Variants in PAGE2B observed in about 807,000 individuals in gnomAD.
The protein encoded by PAGE2B is PAGE family member 2B, also known as putative G antigen family E member 3.
Under a neutral mutation model 7.6 loss-of-function variants are expected in PAGE2B, and 5 were observed. The ratio of observed to expected loss-of-function variants is 0.66; its 90% CI spans 0.34 to 1.38. PAGE2B has a LOEUF of 1.38. PAGE2B is among the 40% of genes most tolerant of loss of function. The pLI, the probability that PAGE2B is intolerant of heterozygous loss-of-function variation, is 0.04. For synonymous variants in PAGE2B, 29 were observed against 26.7 expected (o/e 1.09, Z -0.27); for missense variants, 70 against 78.4 (o/e 0.89, Z 0.41).
the PAGE2B span, among the ~76,000 whole-genome samples, chrX:55,058,356 A>G: frequency 3.5e-4 from 39 of 111,194 alleles, 1 homozygote; most frequent in African/African-American, 1.2e-3. Context: ...TAGATGGGGC[A>G]TAAAGGTAGA....
chrX:55,076,426 A>G (rs1212967195), intron 2 of PAGE2B, 143 bp from the exon 3 acceptor site: 12 of 565,358 alleles, frequency 2.1e-5, no homozygotes, highest in Non-Finnish European at 2.7e-5. Context: ...ATACGTATGT[A>G]TGTATATATA....
the PAGE2B span, among the ~76,000 whole-genome samples, chrX:55,059,903 G>A: frequency 0.021 from 2,289 of 111,166 alleles, 42 homozygotes; most frequent in African/African-American, 0.061. Context: ...ACTTCGCTTA[G>A]CATAATGTCC....
the PAGE2B span, among the ~76,000 whole-genome samples, chrX:55,056,969 A>G: frequency 9.0e-6 from 1 of 111,568 alleles, no homozygotes; most frequent in Admixed American, 9.6e-5. Flanking sequence ...TGTCAAGATA[A>G]CCTTATATTT....
At chrX:55,038,418 G>T in the PAGE2B span, among the ~76,000 whole-genome samples, 2 of 112,110 alleles carry the variant, frequency 1.8e-5, no homozygotes, top group Non-Finnish European at 3.8e-5. Context: ...ATGTGAATAT[G>T]TTCGTTATAT....
chrX:55,033,943 A>G, the PAGE2B span, among the ~76,000 whole-genome samples: 16 of 112,563 alleles, frequency 1.4e-4, no homozygotes, highest in African/African-American at 4.5e-4. Flanking sequence ...CACCACAAAT[A>G]TTAGTATTGA....
chrX:55,066,597 A>C, the PAGE2B span, among the ~76,000 whole-genome samples: 1 of 111,720 alleles, frequency 9.0e-6, no homozygotes, highest in African/African-American at 3.3e-5. Flanking sequence ...CGCTTTAAAT[A>C]TATCATGCCA....
the PAGE2B span, among the ~76,000 whole-genome samples, chrX:55,044,590 C>T: frequency 1.8e-5 from 2 of 108,109 alleles, no homozygotes; most frequent in African/African-American, 6.9e-5. Flanking sequence ...ACCTATTCCC[C>T]AAAAACCTAT....
the PAGE2B span, among the ~76,000 whole-genome samples, chrX:55,035,065 C>T: frequency 9.1e-6 from 1 of 110,093 alleles, no homozygotes; most frequent in South Asian, 3.9e-4. Context: ...ATGATACCCA[C>T]CCAGGTTAAG....
chrX:55,072,394 G>A (rs1357401991), upstream of PAGE2B, among the ~76,000 whole-genome samples: 1 of 112,674 alleles, frequency 8.9e-6, no homozygotes, highest in Non-Finnish European at 1.9e-5. Flanking sequence ...CTGCAGAACA[G>A]CAAAGATTGC....
chrX:55,039,376 GCCAAAAGGTGGAAACAAC>G, the PAGE2B span, among the ~76,000 whole-genome samples: 3 of 110,857 alleles, frequency 2.7e-5, no homozygotes, highest in Non-Finnish European at 5.7e-5. Context: ...AGTCAAAATA[GCCAAAAGGTGGAAACAAC>G]CCAAATGTCC....
At chrX:55,050,037 C>G in the PAGE2B span, among the ~76,000 whole-genome samples, 1 of 112,212 alleles carries the variant, frequency 8.9e-6, no homozygotes, top group Non-Finnish European at 1.9e-5. Context: ...CAAAGACCAT[C>G]TTTATTTCTG....
chrX:55,070,816 T>C (rs534772071), upstream of PAGE2B, among the ~76,000 whole-genome samples: 5 of 112,043 alleles, frequency 4.5e-5, no homozygotes, highest in African/African-American at 1.6e-4. Flanking sequence ...TTGATCTTTG[T>C]TGGTTTGAAG....
At chrX:55,057,046 T>C in the PAGE2B span, among the ~76,000 whole-genome samples, 1 of 110,884 alleles carries the variant, frequency 9.0e-6, no homozygotes, top group Non-Finnish European at 1.9e-5. Context: ...GACAAGGGGG[T>C]AGGAGCATAC....
chrX:55,032,138 G>A, the PAGE2B span, among the ~76,000 whole-genome samples: 1 of 110,872 alleles, frequency 9.0e-6, no homozygotes, highest in Non-Finnish European at 1.9e-5. Flanking sequence ...TTTTTTTAGA[G>A]GGTGGCATCC....
the PAGE2B span, among the ~76,000 whole-genome samples, chrX:55,066,566 T>TA: frequency 9.8e-5 from 11 of 112,053 alleles, no homozygotes; most frequent in Non-Finnish European, 1.9e-4. Flanking sequence ...TCTTCTAGGA[T>TA]AAAAAATTTT....
At chrX:55,045,523 T>G in the PAGE2B span, among the ~76,000 whole-genome samples, 1 of 111,102 alleles carries the variant, frequency 9.0e-6, no homozygotes, top group Non-Finnish European at 1.9e-5. Flanking sequence ...TCTTATCATC[T>G]GAAAAAAAAA....
At chrX:55,069,959 G>T in the PAGE2B span, among the ~76,000 whole-genome samples, 1 of 111,112 alleles carries the variant, frequency 9.0e-6, no homozygotes, top group East Asian at 2.8e-4. Context: ...CTGGCTGGTG[G>T]TCTATATATT....
chrX:55,042,294 C>T, the PAGE2B span, among the ~76,000 whole-genome samples: 2 of 110,508 alleles, frequency 1.8e-5, no homozygotes, highest in African/African-American at 6.7e-5. Flanking sequence ...AAGAATGCAA[C>T]CCCTTTTACA....
At chrX:55,065,540 A>G in the PAGE2B span, among the ~76,000 whole-genome samples, 1 of 111,277 alleles carries the variant, frequency 9.0e-6, no homozygotes, top group African/African-American at 3.3e-5. Flanking sequence ...TTTACATTCA[A>G]TGTTATTATT....
Sources: gnomAD v4.1 joint callset for allele counts (sites outside exome capture counted in the v4.1 genomes callset) on GRCh38, gnomAD v4.1.1 for gene constraint, MANE v1.5 for transcripts, NCBI Gene and HGNC (gene_info 2026-07-23, HGNC 2026-07-21) for gene names.